UNC5D: variants seen among roughly 807,000 people sequenced by gnomAD.
The protein encoded by UNC5D is unc-5 netrin receptor D.
UNC5D carries 39 observed loss-of-function variants against 105.4 expected under a neutral mutation model. The observed-to-expected ratio is 0.37, with a 90% confidence interval of 0.29 to 0.48. UNC5D has a LOEUF of 0.48. UNC5D is among the 20% of genes least tolerant of loss of function. The pLI is 0.98. For synonymous variants in UNC5D, 452 were observed against 450.4 expected (o/e 1.00, Z -0.04); for missense variants, 991 against 1,202.4 (o/e 0.82, Z 2.60).
intron 1 of UNC5D, among the ~76,000 whole-genome samples, chr8:35,400,680 T>C (rs1440784847): frequency 6.6e-6 from 1 of 152,176 alleles, no homozygotes; most frequent in African/African-American, 2.4e-5. Flanking sequence ...TGATAGTTGA[T>C]GAAATAAATC....
rs558748223 is a variant in UNC5D, at chr8:35,418,327, T to A, written c.104-130965T>A. Among the ~76,000 whole-genome samples, 66 of 152,290 alleles carry A rather than the reference T, an allele frequency of 4.3e-4. 1 individual carries two copies. The highest frequency in any genetic ancestry group is 1.6e-3 in the African/African-American group (65 of 41,568). On this transcript the variant is annotated intron_variant, in intron 1 of 16. Transcript: ENST00000404895. ...GACTCAACCTGTTCCCTTGCGGATC[T>A]AGAGAGTTGCTGCCAACATTTCATT...
At chr8:35,252,778 T>C (rs1361454571) in intron 1 of UNC5D, among the ~76,000 whole-genome samples, 1 of 152,104 alleles carries the variant, frequency 6.6e-6, no homozygotes, top group Admixed American at 6.6e-5. Context: ...TATGTGAGAG[T>C]AGATTACTTG....
At chr8:35,555,265 C>T (rs1006983135) in intron 2 of UNC5D, among the ~76,000 whole-genome samples, 43 of 152,248 alleles carry the variant, frequency 2.8e-4, no homozygotes, top group African/African-American at 9.9e-4. Context: ...CTGACATATT[C>T]TTAAAAGGTT....
intron 15 of UNC5D, among the ~76,000 whole-genome samples, chr8:35,767,481 A>T (rs548535439): frequency 2.6e-5 from 4 of 152,294 alleles, no homozygotes; most frequent in Middle Eastern, 6.8e-3. Flanking sequence ...GGTTCTGACT[A>T]GTTTCCAGAA....
At chr8:35,479,988 C>T (rs1305595223) in intron 1 of UNC5D, among the ~76,000 whole-genome samples, 1 of 152,170 alleles carries the variant, frequency 6.6e-6, no homozygotes, top group Admixed American at 6.5e-5. Context: ...CTCTGGAATG[C>T]ACCACTAATG....
At chr8:35,732,226 A>G (rs1829228841) in intron 11 of UNC5D, among the ~76,000 whole-genome samples, 1 of 152,218 alleles carries the variant, frequency 6.6e-6, no homozygotes, top group East Asian at 1.9e-4. Flanking sequence ...TATTTCTATA[A>G]AAGGATTTGT....
At chr8:35,720,571 T>G (rs922719380) in intron 8 of UNC5D, among the ~76,000 whole-genome samples, 2 of 152,164 alleles carry the variant, frequency 1.3e-5, no homozygotes, top group African/African-American at 4.8e-5. Context: ...GACACTTAAT[T>G]GAGTAGAGGG....
intron 1 of UNC5D, among the ~76,000 whole-genome samples, chr8:35,363,976 A>G (rs1210401216): frequency 6.6e-6 from 1 of 152,026 alleles, no homozygotes; most frequent in Admixed American, 6.6e-5. Flanking sequence ...TGATGTCAGG[A>G]GTTTGAGACC....
chr8:35,461,478 A>G (rs1808889879), intron 1 of UNC5D, among the ~76,000 whole-genome samples: 1 of 152,084 alleles, frequency 6.6e-6, no homozygotes, highest in Non-Finnish European at 1.5e-5. Flanking sequence ...TCACCTGGAG[A>G]GGGTGAAAAA....
chr8:35,671,024 A>G (rs992192494), intron 4 of UNC5D, among the ~76,000 whole-genome samples: 24 of 152,172 alleles, frequency 1.6e-4, no homozygotes, highest in African/African-American at 5.5e-4. Flanking sequence ...CATCTAATAC[A>G]TATTGGACCA....
At chr8:35,680,702 C>T (rs894677980) in intron 4 of UNC5D, among the ~76,000 whole-genome samples, 1 of 152,158 alleles carries the variant, frequency 6.6e-6, no homozygotes, top group African/African-American at 2.4e-5. Context: ...TCCTTTAGGG[C>T]AGCTTTTCTT....
At chr8:35,747,317 C>T (rs990406908) in intron 11 of UNC5D, among the ~76,000 whole-genome samples, 1 of 152,104 alleles carries the variant, frequency 6.6e-6, no homozygotes, top group African/African-American at 2.4e-5. Flanking sequence ...TCAACATAAG[C>T]AATTCAGAAA....
intron 1 of UNC5D, among the ~76,000 whole-genome samples, chr8:35,512,918 C>A (rs572673029): frequency 6.6e-6 from 1 of 152,052 alleles, no homozygotes; most frequent in Non-Finnish European, 1.5e-5. Flanking sequence ...GGACCTCAAG[C>A]AATCTGCCTA....
At chr8:35,704,216 T>C (rs1827389368) in intron 7 of UNC5D, among the ~76,000 whole-genome samples, 2 of 152,156 alleles carry the variant, frequency 1.3e-5, no homozygotes, top group African/African-American at 4.8e-5. Flanking sequence ...TTTTCAAGAG[T>C]GTGATTTATA....
intron 4 of UNC5D, among the ~76,000 whole-genome samples, chr8:35,674,817 A>C (rs1825091990): frequency 6.6e-6 from 1 of 152,164 alleles, no homozygotes; most frequent in Admixed American, 6.5e-5. Context: ...TGCAGACCTC[A>C]TCCTTCTCCC....
At chr8:35,622,905 T>G (rs1297711014) in intron 4 of UNC5D, among the ~76,000 whole-genome samples, 1 of 152,226 alleles carries the variant, frequency 6.6e-6, no homozygotes, top group Non-Finnish European at 1.5e-5. Flanking sequence ...TCTTTCTGAA[T>G]GATCATGATC....
intron 1 of UNC5D, among the ~76,000 whole-genome samples, chr8:35,446,728 T>C (rs970510312): frequency 1.3e-5 from 2 of 152,118 alleles, no homozygotes; most frequent in South Asian, 2.1e-4. Flanking sequence ...CCCTTGGGTC[T>C]GTAGATCTTT....
chr8:35,307,951 AG>A (rs1382543720), intron 1 of UNC5D, among the ~76,000 whole-genome samples: 1 of 152,142 alleles, frequency 6.6e-6, no homozygotes, highest in Non-Finnish European at 1.5e-5. Flanking sequence ...GGCGATATTG[AG>A]GGTATGCACT....
Position 35,759,577 on chromosome 8 carries a change from A to G in UNC5D, c.2313+108A>G, listed in dbSNP as rs534145876. 1.7e-5 allele frequency: 22 copies of G among 1,266,046 alleles called. No individual in the cohort carries two copies. The South Asian group carries it at 3.0e-4, about 17-fold the overall frequency. 78.4% of individuals were successfully genotyped at this position (1,266,046 alleles called of 1,614,324 possible). A position where few individuals can be genotyped will look rare whatever the true frequency, so the allele number is the denominator to read the frequency against. On this transcript the variant is annotated intron_variant, in intron 14 of 16. Transcript: ENST00000404895. ...ATTTTCCTCCTCCTTTAAAGGATGGATTTCACCTCAAAACTGTCACAGAAA... is the reference window on the plus strand; with the variant it reads ...ATTTTCCTCCTCCTTTAAAGGATGGGTTTCACCTCAAAACTGTCACAGAAA...
Sources: allele counts gnomAD v4.1 joint callset (sites outside exome capture counted in the v4.1 genomes callset), GRCh38; gene constraint gnomAD v4.1.1; transcripts MANE v1.5; gene names NCBI Gene and HGNC (gene_info 2026-07-23, HGNC 2026-07-21).